SIAH1: variants seen among roughly 807,000 people sequenced by gnomAD.
The protein encoded by SIAH1 is siah E3 ubiquitin protein ligase 1, also known as E3 ubiquitin-protein ligase SIAH1.
SIAH1 carries 2 observed loss-of-function variants against 20.0 expected under a neutral mutation model. The ratio of observed to expected loss-of-function variants is 0.10; its 90% confidence interval spans 0.04 to 0.31. The LOEUF is 0.31. Ranked by LOEUF, SIAH1 falls within the 10% of genes least tolerant of loss-of-function variation. The pLI, the probability that SIAH1 is intolerant of heterozygous loss-of-function variation, is 1.00. For synonymous variants in SIAH1, 118 were observed against 125.3 expected (o/e 0.94, Z 0.39); for missense variants, 119 against 355.3 (o/e 0.33, Z 5.35).
chr16:48,365,569 A>C, intron 1 of SIAH1: 1 of 1,518,532 alleles, frequency 6.6e-7, no homozygotes, highest in Non-Finnish European at 8.8e-7. Flanking sequence ...GAAGACCCAA[A>C]TTCGCGTCTG....
chr16:48,376,206 G>C (rs1244173174), intron 1 of SIAH1, among the ~76,000 whole-genome samples: 1 of 152,090 alleles, frequency 6.6e-6, no homozygotes, highest in Non-Finnish European at 1.5e-5. Context: ...GGTGAGGAGG[G>C]ATTTCGGTAT....
chr16:48,368,838 T>C (rs1448759973), intron 1 of SIAH1, among the ~76,000 whole-genome samples: 1 of 152,124 alleles, frequency 6.6e-6, no homozygotes, highest in Non-Finnish European at 1.5e-5. Flanking sequence ...AATAAAATTA[T>C]AGGTATCAGA....
chr16:48,365,799 G>C (rs1960811985), intron 1 of SIAH1: 7 of 1,282,030 alleles, frequency 5.5e-6, no homozygotes, highest in Non-Finnish European at 6.9e-6. Flanking sequence ...GTAGGGTCCT[G>C]CCCAGCTCCA....
intron 1 of SIAH1, among the ~76,000 whole-genome samples, chr16:48,370,829 A>G (rs1478617920): frequency 6.6e-6 from 1 of 150,488 alleles, no homozygotes; most frequent in Non-Finnish European, 1.5e-5. Flanking sequence ...ACAAATTTCA[A>G]GGACAGGCAT....
intron 1 of SIAH1, among the ~76,000 whole-genome samples, chr16:48,373,051 C>T (rs1032722310): frequency 9.9e-5 from 15 of 152,122 alleles, no homozygotes; most frequent in Non-Finnish European, 1.0e-4. Context: ...TGCTCTTCTC[C>T]CCCAAATTAT....
chr16:48,363,170 T>C (rs1960672904), intron 1 of SIAH1: 1 of 167,126 alleles, frequency 6.0e-6, no homozygotes, highest in Non-Finnish European at 1.5e-5. Flanking sequence ...GGATTGAATG[T>C]AGTTCCAATG....
intron 1 of SIAH1, chr16:48,365,992 C>A: frequency 2.1e-6 from 2 of 952,468 alleles, no homozygotes; most frequent in Non-Finnish European, 2.6e-6. Flanking sequence ...TCAGGGCGCG[C>A]GGCGCACAGG....
Position 48,384,006 on chromosome 16 carries a change from T to C in SIAH1, c.-3+1198A>G, listed in dbSNP as rs114983571. The stretch of plus-strand genomic sequence containing the variant: ...TCAACAGGGCTTGAGGTAGATACTG[T>C]CGTTACACCCATTTTGCAGATAAGG... On this transcript the variant is annotated intron_variant, in intron 1 of 1. Transcript: ENST00000394725. Among the ~76,000 whole-genome samples, 1,296 of 152,354 alleles carry C rather than the reference T, an allele frequency of 8.5e-3. 15 individuals carry two copies. The highest frequency in any genetic ancestry group is 0.029 in the African/African-American group (1,195 of 41,572).
chr16:48,365,618 C>T, intron 1 of SIAH1: 1 of 1,447,534 alleles, frequency 6.9e-7, no homozygotes, highest in South Asian at 1.4e-5. Context: ...TCAGAAGCAC[C>T]AGTTACAGAG....
intron 1 of SIAH1, among the ~76,000 whole-genome samples, chr16:48,379,830 G>C (rs1048241255): frequency 6.6e-6 from 1 of 152,204 alleles, no homozygotes; most frequent in Admixed American, 6.5e-5. Context: ...TTAATAGGAT[G>C]AGAGGGGCTT....
intron 1 of SIAH1, chr16:48,365,508 C>G: frequency 6.2e-7 from 1 of 1,605,788 alleles, no homozygotes; most frequent in Non-Finnish European, 8.5e-7. Context: ...GCGTTTCCCC[C>G]AAGAAGTAAA....
At position 48,383,078 on chromosome 16, in the gene SIAH1, T is replaced by G. The variant is rs114376466; in HGVS notation, c.-3+2126A>C. On this transcript the variant is annotated intron_variant, in intron 1 of 1. Coordinates refer to ENST00000394725, the MANE Select transcript of SIAH1 (RefSeq NM_003031.4). ...AGCTTAGAGGGAATAGATTAATATT[T>G]AACAGATGTAAAATGCATTAACATT... Among the ~76,000 whole-genome samples, 1,309 of 152,368 alleles carry G rather than the reference T, an allele frequency of 8.6e-3. 24 individuals carry two copies. The highest frequency in any genetic ancestry group is 0.03 in the African/African-American group (1,242 of 41,588).
At chr16:48,381,335 ACTGT>A (rs1163288914) in intron 1 of SIAH1, among the ~76,000 whole-genome samples, 3 of 152,160 alleles carry the variant, frequency 2.0e-5, no homozygotes, top group African/African-American at 4.8e-5. Context: ...ACAGAGTGAG[ACTGT>A]CTCAAAAAAA....
intron 1 of SIAH1, among the ~76,000 whole-genome samples, chr16:48,379,050 A>G (rs1350470087): frequency 6.6e-6 from 1 of 152,244 alleles, no homozygotes; most frequent in African/African-American, 2.4e-5. Flanking sequence ...ATCTTTTTAC[A>G]ACACTTGCTG....
intron 1 of SIAH1, chr16:48,363,222 G>A: frequency 1.2e-5 from 2 of 167,120 alleles, no homozygotes. Flanking sequence ...TCTTCTTAAT[G>A]GTAAGCAATT....
At chr16:48,380,928 C>CAAAAAAAAAAACAAAAAA (rs1961264036) in intron 1 of SIAH1, among the ~76,000 whole-genome samples, 1 of 44,956 alleles carries the variant, frequency 2.2e-5, no homozygotes, top group African/African-American at 1.0e-4. Flanking sequence ...GACTCCGTCT[C>CAAAAAAAAAAACAAAAAA]AAAAAAAAAA....
At chr16:48,364,703 GGCTGTAT>G (rs1381140890) in intron 1 of SIAH1, 1 of 152,196 alleles carries the variant, frequency 6.6e-6, no homozygotes, top group African/African-American at 2.4e-5. Context: ...AAAACACCCT[GGCTGTAT>G]GCTGTATGCC....
rs898483652 is a variant in SIAH1, at chr16:48,381,056, A to G, written c.-3+4148T>C. Among the ~76,000 whole-genome samples, 10 of 152,170 alleles carry G rather than the reference A, an allele frequency of 6.6e-5. 1 individual carries two copies. The East Asian group carries it at 1.2e-3, about 18-fold the overall frequency. On this transcript the variant is annotated intron_variant, in intron 1 of 1. Coordinates refer to ENST00000394725, the MANE Select transcript of SIAH1 (RefSeq NM_003031.4). The stretch of plus-strand genomic sequence containing the variant: ...ATGCAAAATGGTACAGCCAATCTGG[A>G]AGACAGTTTGGCAATTTCTTACAAA...
intron 1 of SIAH1, among the ~76,000 whole-genome samples, chr16:48,382,049 A>G (rs1961309267): frequency 1.3e-5 from 2 of 152,132 alleles, no homozygotes; most frequent in Non-Finnish European, 2.9e-5. Context: ...AAAAATCTGC[A>G]TAAGGGGATA....
Sources: gnomAD v4.1 joint callset for allele counts (sites outside exome capture counted in the v4.1 genomes callset) on GRCh38, gnomAD v4.1.1 for gene constraint, MANE v1.5 for transcripts, NCBI Gene and HGNC (gene_info 2026-07-23, HGNC 2026-07-21) for gene names.